DDX60L: variants seen among roughly 807,000 people sequenced by gnomAD.
DDX60L encodes the protein probable ATP-dependent RNA helicase DDX60-like.
In DDX60L, 191 loss-of-function variants were observed where a neutral mutation model predicts 211.6. The ratio of observed to expected loss-of-function variants is 0.90; its 90% CI spans 0.80 to 1.02. DDX60L has a LOEUF of 1.02. DDX60L is among the 50% of genes least tolerant of loss of function. The pLI, the probability that DDX60L is intolerant of heterozygous loss-of-function variation, is 0.00. For missense variants in DDX60L, 2,007 were observed against 1,984.1 expected (o/e 1.01, Z -0.22); for synonymous variants, 706 against 694.1 (o/e 1.02, Z -0.27).
chr4:168,449,883 G>A (rs116623441), intron 8 of DDX60L, among the ~76,000 whole-genome samples: 10,472 of 151,058 alleles, frequency 0.069, 1,191 homozygotes, highest in African/African-American at 0.23. Flanking sequence ...TGACTGAAAC[G>A]GTGAAAGAGA....
At chr4:168,428,864 T>C (rs986140869) in intron 13 of DDX60L, among the ~76,000 whole-genome samples, 12 of 152,302 alleles carry the variant, frequency 7.9e-5, no homozygotes, top group Admixed American at 7.2e-4. Context: ...TTTTAAATTT[T>C]TTTTGAATTA....
intron 4 of DDX60L, chr4:168,470,798 G>A (rs1561140863): frequency 4.3e-6 from 1 of 232,994 alleles, no homozygotes; most frequent in East Asian, 1.4e-4. Context: ...CGAGATCACG[G>A]CATTGCACTT....
Position 168,395,310 on chromosome 4 carries a change from A to C in DDX60L, c.3657+649T>G, listed in dbSNP as rs369121720. Among the ~76,000 whole-genome samples the C allele has an allele frequency of 4.8e-3, 729 of 152,328 alleles. 6 individuals carry two copies. The highest frequency in any genetic ancestry group is 7.8e-3 in the Non-Finnish European group (532 of 68,032). Reference sequence around the variant, plus strand: ...GCAAGAAATAAATAAGTAAGGGAGGAAAGGAGATTACAGACCAATTTGTAT... The same window carrying C: ...GCAAGAAATAAATAAGTAAGGGAGGCAAGGAGATTACAGACCAATTTGTAT... On this transcript the variant is annotated intron_variant, in intron 27 of 37. Coordinates refer to ENST00000682922, the MANE Select transcript of DDX60L (RefSeq NM_001012967.3).
intron 33 of DDX60L, among the ~76,000 whole-genome samples, chr4:168,376,957 T>C (rs905011262): frequency 1.3e-5 from 2 of 152,188 alleles, no homozygotes; most frequent in African/African-American, 4.8e-5. Flanking sequence ...TGATTTAGTG[T>C]GACACACAGA....
At chr4:168,402,501 A>T (rs1302598436) in intron 25 of DDX60L, among the ~76,000 whole-genome samples, 1 of 152,122 alleles carries the variant, frequency 6.6e-6, no homozygotes, top group Non-Finnish European at 1.5e-5. Flanking sequence ...TTTTATATAA[A>T]TTATTTCATT....
Position 168,415,472 on chromosome 4 carries a change from G to A in DDX60L, c.2915C>T (p.Ser972Leu). The change falls in exon 22 of 38, where the codon TCA becomes TTA. Residue 972 changes from serine (S) to leucine (L), a missense_variant. Physicochemically the swap from Ser to Leu is moderately radical, Grantham distance 145 (BLOSUM62 -2). Transcript: ENST00000682922. ...AAAATAAACATCATCATGTTTTACT[G>A]AACATATATGCTTCTCTAAATCATT... ...RYNDLEKHIC[S>L]VKHDDVYFDH... The A allele has an allele frequency of 6.2e-7, 1 of 1,605,272 alleles. No individual in the cohort carries two copies. Among genetic ancestry groups the A allele is most frequent in the Non-Finnish European group, 8.5e-7 (1 of 1,174,634 alleles).
At chr4:168,414,683 A>C (rs1182125254) in intron 22 of DDX60L, among the ~76,000 whole-genome samples, 1 of 152,142 alleles carries the variant, frequency 6.6e-6, no homozygotes, top group Non-Finnish European at 1.5e-5. Flanking sequence ...GCCATAAAAA[A>C]AAATAAGATC....
Position 168,384,677 on chromosome 4 carries a change from T to C in DDX60L, c.4051A>G (p.Thr1351Ala), listed in dbSNP as rs1315495044. ...ELRGQFPLSITLVLRLMLLAS... is the reference protein window; with the variant it reads ...ELRGQFPLSIALVLRLMLLAS... ...AGCAGCATGAGTCGCAGGACCAGGG[T>C]TATGCTGAGAGGGAACTGTCCTCTC... The change falls in exon 30 of 38, where the codon ACC (threonine) becomes GCC (alanine). Residue 1351 changes from threonine (T) to alanine (A), a missense_variant. Transcript: ENST00000682922. 1.2e-6 allele frequency: 2 copies of C among 1,613,966 alleles called. No homozygotes were observed. The highest frequency in any genetic ancestry group is 8.5e-7 in the Non-Finnish European group (1 of 1,179,954).
intron 22 of DDX60L, among the ~76,000 whole-genome samples, chr4:168,407,567 T>C (rs561301651): frequency 6.6e-6 from 1 of 152,328 alleles, no homozygotes; most frequent in African/African-American, 2.4e-5. Context: ...CAAGTATCTT[T>C]ATGTCAAGGT....
At chr4:168,384,250 C>T (rs1182000682) in intron 30 of DDX60L, among the ~76,000 whole-genome samples, 1 of 152,092 alleles carries the variant, frequency 6.6e-6, no homozygotes, top group Non-Finnish European at 1.5e-5. Context: ...AACCCTAATA[C>T]AGTGGGTGGA....
At chr4:168,472,058 CT>C in intron 3 of DDX60L, 122 bp from the exon 4 acceptor site, 1 of 692,934 alleles carries the variant, frequency 1.4e-6, no homozygotes, top group Non-Finnish European at 2.4e-6. Flanking sequence ...TCCATGATGC[CT>C]TTTCAAATAC....
intron 36 of DDX60L, among the ~76,000 whole-genome samples, chr4:168,365,244 T>A (rs545461252): frequency 6.6e-6 from 1 of 152,002 alleles, no homozygotes; most frequent in South Asian, 2.1e-4. Flanking sequence ...TGAAGATGGT[T>A]TTAAAAAGAT....
intron 13 of DDX60L, 58 bp from the exon 14 acceptor site, chr4:168,427,380 C>T: frequency 6.4e-7 from 1 of 1,551,100 alleles, no homozygotes; most frequent in South Asian, 1.2e-5. Context: ...TATGACATTT[C>T]ACTAGTGAGA....
At chr4:168,369,975 T>C (rs1278675136) in intron 36 of DDX60L, among the ~76,000 whole-genome samples, 3 of 152,114 alleles carry the variant, frequency 2.0e-5, no homozygotes, top group Non-Finnish European at 4.4e-5. Flanking sequence ...GTGGGTAGGA[T>C]TATAAATGAG....
intron 36 of DDX60L, 44 bp from the exon 37 acceptor site, chr4:168,361,255 A>C (rs1430708680): frequency 7.5e-7 from 1 of 1,328,082 alleles, no homozygotes; most frequent in South Asian, 1.3e-5. Context: ...TAAAAACATA[A>C]ACATAAAAGA....
Position 168,361,222 on chromosome 4 carries a change from C to T in DDX60L, c.4929-11G>A, listed in dbSNP as rs1739058266. 1.3e-6 allele frequency: 2 copies of T among 1,545,834 alleles called. No homozygotes were observed. Among genetic ancestry groups the T allele is most frequent in the Non-Finnish European group, 1.8e-6 (2 of 1,123,882 alleles). On this transcript the variant is annotated splice_polypyrimidine_tract_variant and intron_variant, in intron 36 of 37. Coordinates refer to ENST00000682922, the MANE Select transcript of DDX60L (RefSeq NM_001012967.3). ...TGTCCCATACGCATCCTAAAGAGAACAACATTTCTTAATTAAAAAGTATAA... is the reference window on the plus strand; with the variant it reads ...TGTCCCATACGCATCCTAAAGAGAATAACATTTCTTAATTAAAAAGTATAA...
chr4:168,427,841 G>T (rs182833608), intron 13 of DDX60L, among the ~76,000 whole-genome samples: 55 of 152,282 alleles, frequency 3.6e-4, no homozygotes, highest in Middle Eastern at 3.4e-3. Context: ...TAGTGGGGTG[G>T]TAATTTTTCC....
Position 168,461,850 on chromosome 4 carries a change from T to C in DDX60L, c.455A>G (p.Asp152Gly). The stretch of plus-strand genomic sequence containing the variant: ...GAAGTTAAAAAGGTACGTTTGTAAA[T>C]CACTCAGGCCTTCCTCTGAAACTAT... ...FLIVSEEGLS[D>G]LQTYLFNFLI... Residue 152 changes from aspartate (D) to glycine (G), a missense_variant, in exon 5 of 38, where the codon GAT becomes GGT. Physicochemically the swap from Asp to Gly is moderately conservative, Grantham distance 94 (BLOSUM62 -1). Coordinates refer to ENST00000682922, the MANE Select transcript of DDX60L (RefSeq NM_001012967.3). 6.2e-7 allele frequency: 1 copy of C among 1,609,930 alleles called. No homozygotes were observed. Among genetic ancestry groups the C allele is most frequent in the Non-Finnish European group, 8.5e-7 (1 of 1,177,720 alleles).
At chr4:168,442,355 G>A (rs1419884379) in intron 9 of DDX60L, among the ~76,000 whole-genome samples, 1 of 151,794 alleles carries the variant, frequency 6.6e-6, no homozygotes, top group Admixed American at 6.6e-5. Context: ...AGGGTCCTAC[G>A]CCCACGGAGT....
Sources: allele counts gnomAD v4.1 joint callset (sites outside exome capture counted in the v4.1 genomes callset), GRCh38; gene constraint gnomAD v4.1.1; transcripts MANE v1.5; gene names NCBI Gene and HGNC (gene_info 2026-07-23, HGNC 2026-07-21).